The following JCAD variants were observed in gnomAD, a reference collection of about 807,000 sequenced individuals.
JCAD encodes the protein junctional cadherin 5 associated, also known as junctional cadherin 5-associated protein.
JCAD carries 40 observed loss-of-function variants against 98.0 expected under a neutral mutation model. That is an observed-to-expected ratio of 0.41 (90% CI 0.32 to 0.53). The LOEUF is 0.53. JCAD is among the 20% of genes least tolerant of loss of function. The pLI, the probability that JCAD is intolerant of heterozygous loss-of-function variation, is 0.31. For synonymous variants in JCAD, 691 were observed against 682.3 expected (o/e 1.01, Z -0.20); for missense variants, 1,705 against 1,738.1 (o/e 0.98, Z 0.34).
intron 1 of JCAD, among the ~76,000 whole-genome samples, chr10:30,077,467 A>C (rs1234543559): frequency 6.6e-6 from 1 of 152,140 alleles, no homozygotes; most frequent in African/African-American, 2.4e-5. Context: ...TTAACCATTT[A>C]AAGTATACGT....
Position 30,028,669 on chromosome 10 carries a change from G to C in JCAD, c.1479C>G (p.Ala493=), listed in dbSNP as rs199737655. Reference sequence around the variant, plus strand: ...CCCACAGCCACCGGGGGCTGGAATCGGCCAAGACCAGGCCTCTCTCATCCC... The same window carrying C: ...CCCACAGCCACCGGGGGCTGGAATCCGCCAAGACCAGGCCTCTCTCATCCC... ...PSGDERGLVL[A]DSSPRWLWGQ... Residue 493 remains alanine, a synonymous_variant, in exon 3 of 4, where the codon GCC becomes GCG. Coordinates refer to ENST00000375377, the MANE Select transcript of JCAD (RefSeq NM_020848.4). The C allele has an allele frequency of 6.2e-7, 1 of 1,604,634 alleles. No homozygotes were observed. The highest frequency in any genetic ancestry group is 2.2e-5 in the East Asian group (1 of 44,790).
chr10:30,029,449 A>G lies in JCAD; in HGVS notation c.699T>C (p.Pro233=). The G allele has an allele frequency of 6.2e-7, 1 of 1,614,208 alleles. No homozygotes were observed. Among genetic ancestry groups the G allele is most frequent in the African/African-American group, 1.3e-5 (1 of 75,048 alleles). ...SQNKGKSRSL[P]RVLSPESLSC... ...TCAGGCTCTCGGGGGAAAGAACTCTAGGCAGTGAGCGAGACTTCCCTTTGT... is the reference window on the plus strand; with the variant it reads ...TCAGGCTCTCGGGGGAAAGAACTCTGGGCAGTGAGCGAGACTTCCCTTTGT... Residue 233 remains proline (P), a synonymous_variant, in exon 3 of 4, where the codon CCT becomes CCC. Coordinates refer to ENST00000375377, the MANE Select transcript of JCAD (RefSeq NM_020848.4).
At chr10:30,057,202 A>C (rs887942409) in intron 1 of JCAD, among the ~76,000 whole-genome samples, 1 of 152,230 alleles carries the variant, frequency 6.6e-6, no homozygotes, top group African/African-American at 2.4e-5. Context: ...CGCCAAGCTC[A>C]TTAAAAGAAA....
At chr10:30,032,887 T>C (rs1373176148) in intron 2 of JCAD, among the ~76,000 whole-genome samples, 1 of 152,212 alleles carries the variant, frequency 6.6e-6, no homozygotes, top group African/African-American at 2.4e-5. Flanking sequence ...CATTTAAGCT[T>C]CACCAACATC....
At chr10:30,077,592 C>A (rs2478830) in intron 1 of JCAD, among the ~76,000 whole-genome samples, 65,096 of 152,102 alleles carry the variant, frequency 0.43, 16,455 homozygotes, top group Non-Finnish European at 0.58. Flanking sequence ...ACTCCCCATT[C>A]CCTTCAGCCC....
chr10:30,097,114 C>T (rs995125126), intron 1 of JCAD, among the ~76,000 whole-genome samples: 1 of 152,170 alleles, frequency 6.6e-6, no homozygotes, highest in African/African-American at 2.4e-5. Flanking sequence ...CATGGCACTT[C>T]CTACAGCAAT....
intron 1 of JCAD, among the ~76,000 whole-genome samples, chr10:30,050,547 C>T (rs1007649963): frequency 4.6e-5 from 7 of 152,006 alleles, no homozygotes; most frequent in African/African-American, 1.5e-4. Flanking sequence ...AAATGGCCAC[C>T]GAATACACTA....
chr10:30,079,750 C>G (rs1211258564), intron 1 of JCAD, among the ~76,000 whole-genome samples: 2 of 152,216 alleles, frequency 1.3e-5, no homozygotes, highest in African/African-American at 4.8e-5. Flanking sequence ...ATTCATGGGT[C>G]TGATACATTC....
rs1472866565 is a variant in JCAD at position 30,028,061 on chromosome 10, G to A, written c.2087C>T (p.Ser696Phe). The stretch of plus-strand genomic sequence containing the variant: ...CAGCTGCGAACTTTGGGGCTCCTCG[G>A]AGAAACTGGTTTGTGTTTGCTGATC... ...YRDQQTQTSF[S>F]EEPQSSQLLP... Residue 696 changes from serine to phenylalanine, a missense_variant, in exon 3 of 4, where the codon TCC (serine) becomes TTC (phenylalanine). Coordinates refer to ENST00000375377, the MANE Select transcript of JCAD (RefSeq NM_020848.4). The A allele has an allele frequency of 2.5e-6, 4 of 1,614,252 alleles. No individual in the cohort carries two copies. Among genetic ancestry groups the A allele is most frequent in the Middle Eastern group, 1.6e-4 (1 of 6,062 alleles).
intron 2 of JCAD, among the ~76,000 whole-genome samples, chr10:30,041,067 C>G (rs565457592): frequency 6.6e-6 from 1 of 152,272 alleles, no homozygotes; most frequent in South Asian, 2.1e-4. Context: ...ACCACTGCAC[C>G]TCCAGAAGCC....
intron 1 of JCAD, among the ~76,000 whole-genome samples, chr10:30,091,266 C>G (rs1156971704): frequency 1.3e-5 from 2 of 152,082 alleles, no homozygotes; most frequent in African/African-American, 4.8e-5. Context: ...AAAGGAAGCT[C>G]TTGTCAAAAA....
intron 1 of JCAD, among the ~76,000 whole-genome samples, chr10:30,082,468 C>A (rs1199848891): frequency 6.6e-6 from 1 of 152,072 alleles, no homozygotes. Context: ...CCTATAATCC[C>A]AGCACTTTGA....
chr10:30,073,632 C>T (rs1837931424), intron 1 of JCAD, among the ~76,000 whole-genome samples: 1 of 148,242 alleles, frequency 6.7e-6, no homozygotes, highest in South Asian at 2.1e-4. Flanking sequence ...TTACAATGGA[C>T]AGGATAGCAA....
intron 1 of JCAD, among the ~76,000 whole-genome samples, chr10:30,087,060 C>T (rs2132690240): frequency 6.6e-6 from 1 of 152,284 alleles, no homozygotes; most frequent in East Asian, 1.9e-4. Flanking sequence ...CTTATTCCTG[C>T]TAGTGAGATA....
intron 1 of JCAD, among the ~76,000 whole-genome samples, chr10:30,084,415 G>A (rs1838134971): frequency 6.6e-6 from 1 of 152,222 alleles, no homozygotes; most frequent in Non-Finnish European, 1.5e-5. Context: ...GCGTTTCTGT[G>A]AGGCTGTTTT....
At chr10:30,068,106 C>T (rs1363254959) in intron 2 of JCAD, among the ~76,000 whole-genome samples, 3 of 151,916 alleles carry the variant, frequency 2.0e-5, no homozygotes, top group South Asian at 2.1e-4. Context: ...AAAGGATGTA[C>T]GGCCGGGTGC....
exon 2 of JCAD, chr10:30,069,740 G>C (rs543645916): frequency 6.6e-6 from 1 of 152,012 alleles, no homozygotes; most frequent in Non-Finnish European, 1.5e-5. Flanking sequence ...CAGGAGGATC[G>C]CTTGAGCCCG....
At chr10:30,041,871 GGTC>G (rs1253654301) in intron 2 of JCAD, among the ~76,000 whole-genome samples, 2 of 152,180 alleles carry the variant, frequency 1.3e-5, no homozygotes, top group Non-Finnish European at 2.9e-5. Flanking sequence ...ATATTTTAAT[GGTC>G]GTTAAGTATT....
At chr10:30,079,473 T>C (rs1345442986) in intron 1 of JCAD, among the ~76,000 whole-genome samples, 1 of 152,220 alleles carries the variant, frequency 6.6e-6, no homozygotes, top group Non-Finnish European at 1.5e-5. Flanking sequence ...TGGACTCTTT[T>C]GAGTTTTAAG....
Sources: gnomAD v4.1 joint callset for allele counts (sites outside exome capture counted in the v4.1 genomes callset) on GRCh38, gnomAD v4.1.1 for gene constraint, MANE v1.5 for transcripts, NCBI Gene and HGNC (gene_info 2026-07-23, HGNC 2026-07-21) for gene names.